Variants in DMD observed in about 807,000 individuals in gnomAD.
The protein encoded by DMD is mutant dystrophin.
DMD carries 63 observed loss-of-function variants against 330.1 expected under a neutral mutation model. That is an observed-to-expected ratio of 0.19 (90% CI 0.16 to 0.24). The LOEUF (loss-of-function observed/expected upper bound fraction) is 0.24. Ranked by LOEUF, DMD falls within the 10% of genes least tolerant of loss-of-function variation. DMD has a pLI of 1.00. For missense variants in DMD, 3,344 were observed against 2,684.1 expected, an observed-to-expected ratio of 1.25 and a Z score of -5.43; for synonymous variants, 1,223 against 959.8, an observed-to-expected ratio of 1.27 and a Z score of -5.07.
intron 1 of DMD, among the ~76,000 whole-genome samples, chrX:33,183,908 G>A (rs372072223): frequency 9.0e-6 from 1 of 111,339 alleles, no homozygotes; most frequent in East Asian, 2.8e-4. Context: ...TCTAAGTCAT[G>A]GCCATTGCTA....
intron 53 of DMD, among the ~76,000 whole-genome samples, chrX:31,671,113 C>T (rs1263635719): frequency 1.8e-5 from 2 of 111,242 alleles, no homozygotes; most frequent in Non-Finnish European, 3.8e-5. Flanking sequence ...GGGGTTTTAC[C>T]GTGTTAGCCA....
At chrX:31,502,315 AT>A (rs933336187) in intron 56 of DMD, among the ~76,000 whole-genome samples, 18 of 108,600 alleles carry the variant, frequency 1.7e-4, no homozygotes, top group African/African-American at 5.3e-4. Context: ...AGAAGTCAAC[AT>A]TTTTTTTTTC....
At chrX:32,194,857 T>A (rs1463814692) in intron 44 of DMD, among the ~76,000 whole-genome samples, 1 of 111,696 alleles carries the variant, frequency 9.0e-6, no homozygotes, top group African/African-American at 3.3e-5. Flanking sequence ...TAAGCCATAA[T>A]AAAGAGTTGG....
intron 1 of DMD, among the ~76,000 whole-genome samples, chrX:33,131,271 T>C (rs759846036): frequency 2.3e-4 from 26 of 111,141 alleles, no homozygotes; most frequent in Non-Finnish European, 4.1e-4. Flanking sequence ...CCAACTTTGC[T>C]GATATTAGAA....
At chrX:31,480,557 TGTGTGTGTGTGTG>T (rs2068192081) in intron 57 of DMD, among the ~76,000 whole-genome samples, 2 of 58,615 alleles carry the variant, frequency 3.4e-5, no homozygotes, top group African/African-American at 1.9e-4. Flanking sequence ...TCCATGTTTG[TGTGTGTGTGTGTG>T]TGTGTGTGTG....
At chrX:31,814,391 G>C (rs2092554525) in intron 50 of DMD, among the ~76,000 whole-genome samples, 1 of 100,322 alleles carries the variant, frequency 1.0e-5, no homozygotes, top group African/African-American at 3.7e-5. Context: ...GCTGAGGCAG[G>C]AGAATGGCGT....
chrX:31,431,842 G>T (rs1323028632), intron 60 of DMD, among the ~76,000 whole-genome samples: 2 of 107,602 alleles, frequency 1.9e-5, no homozygotes, highest in African/African-American at 6.8e-5. Flanking sequence ...TTTAGATGGA[G>T]TCTCCCTCTC....
At chrX:33,282,586 C>T (rs755874376) in intron 1 of DMD, among the ~76,000 whole-genome samples, 1 of 111,833 alleles carries the variant, frequency 8.9e-6, no homozygotes, top group South Asian at 3.8e-4. Context: ...CGAGGTTGGG[C>T]CACTTGCTGT....
intron 74 of DMD, among the ~76,000 whole-genome samples, chrX:31,162,503 C>T (rs1189581194): frequency 9.1e-6 from 1 of 109,914 alleles, no homozygotes; most frequent in East Asian, 2.8e-4. Context: ...TAGTATGAAG[C>T]AGTCCTCACA....
chrX:32,783,829 G>T (rs368919941), intron 7 of DMD, among the ~76,000 whole-genome samples: 6 of 110,881 alleles, frequency 5.4e-5, no homozygotes, highest in Admixed American at 1.9e-4. Context: ...AGGCACAGTC[G>T]TATTCTTAAA....
intron 44 of DMD, among the ~76,000 whole-genome samples, chrX:32,191,351 G>A (rs956939061): frequency 8.9e-5 from 10 of 111,918 alleles, no homozygotes; most frequent in African/African-American, 2.0e-4. Flanking sequence ...ATGACACAGC[G>A]TCGAGGCTTC....
At chrX:32,727,389 A>G (rs2067008037) in intron 7 of DMD, among the ~76,000 whole-genome samples, 1 of 111,197 alleles carries the variant, frequency 9.0e-6, no homozygotes, top group South Asian at 3.7e-4. Flanking sequence ...CATTGAGTTT[A>G]TAACAGAGCA....
chrX:32,196,986 C>CAAAAAAAAAAAAAA (rs71872245), intron 44 of DMD, among the ~76,000 whole-genome samples: 2 of 49,627 alleles, frequency 4.0e-5, no homozygotes, highest in Non-Finnish European at 3.3e-5. Context: ...GACTCCATCT[C>CAAAAAAAAAAAAAA]AAAAAAAAAA....
intron 1 of DMD, among the ~76,000 whole-genome samples, chrX:33,328,868 T>C (rs903659359): frequency 9.0e-6 from 1 of 111,636 alleles, no homozygotes; most frequent in African/African-American, 3.3e-5. Context: ...CTCCGGGTTT[T>C]GAAATTCTAA....
At chrX:32,404,310 T>C (rs1468504924) in intron 30 of DMD, among the ~76,000 whole-genome samples, 2 of 111,744 alleles carry the variant, frequency 1.8e-5, no homozygotes, top group African/African-American at 6.5e-5. Context: ...TGGTCTGTAG[T>C]GGACTCTGGA....
chrX:31,641,381 T>C (rs1372559828), intron 54 of DMD, among the ~76,000 whole-genome samples: 3 of 108,266 alleles, frequency 2.8e-5, no homozygotes, highest in East Asian at 2.9e-4. Flanking sequence ...TGGGTGCCTG[T>C]AATCCCAGCC....
At chrX:33,279,303 T>C (rs1407976152) in intron 1 of DMD, among the ~76,000 whole-genome samples, 2 of 111,851 alleles carry the variant, frequency 1.8e-5, no homozygotes, top group Non-Finnish European at 1.9e-5. Flanking sequence ...ACCAAACAAC[T>C]TGCTCCTGAA....
chrX:32,749,050 A>G (rs1200755054), intron 7 of DMD, among the ~76,000 whole-genome samples: 1 of 112,121 alleles, frequency 8.9e-6, no homozygotes, highest in Admixed American at 9.4e-5. Flanking sequence ...AAAAAATAGA[A>G]GCCAATGTGG....
Position 32,394,908 on chromosome X carries a change from C to CAAAAACAAAAACAAAACAAAAA in DMD, c.4234-4728_4234-4727insTTTTTGTTTTGTTTTTGTTTTT, listed in dbSNP as rs1557326692. 1.9e-4 allele frequency among the ~76,000 whole-genome samples: 7 copies of CAAAAACAAAAACAAAACAAAAA among 37,128 alleles called. 3 individuals are homozygous for CAAAAACAAAAACAAAACAAAAA. The highest frequency in any genetic ancestry group is 1.1e-3 in the East Asian group (1 of 890). The allele number at this position is 37,128 out of a possible 115,157, so 32.2% of individuals were successfully genotyped here. On this transcript the variant is annotated intron_variant, in intron 30 of 78. Transcript: ENST00000357033. ...AGAGTGGTCAAAGAAGAGCAAAAAA[C>CAAAAACAAAAACAAAACAAAAA]AAAAAAACAAAAAAAAAAAAAAAAA... is the stretch of plus-strand genomic sequence containing the variant.
Sources: allele counts gnomAD v4.1 joint callset (sites outside exome capture counted in the v4.1 genomes callset), GRCh38; gene constraint gnomAD v4.1.1; transcripts MANE v1.5; gene names NCBI Gene and HGNC (gene_info 2026-07-23, HGNC 2026-07-21).